The following PLCE1 variants were observed in gnomAD, a reference collection of about 807,000 sequenced individuals.
The protein encoded by PLCE1 is phospholipase C epsilon 1, also known as 1-phosphatidylinositol 4,5-bisphosphate phosphodiesterase epsilon-1.
In PLCE1, 119 loss-of-function variants were observed where a neutral mutation model predicts 242.8. The observed-to-expected ratio is 0.49, with a 90% confidence interval of 0.42 to 0.57. The LOEUF is 0.57. PLCE1 is among the 20% of genes least tolerant of loss of function. PLCE1 has a pLI of 0.00. For missense variants in PLCE1, 2,441 were observed against 2,788.8 expected (o/e 0.88, Z 2.81); for synonymous variants, 945 against 1,017.4 (o/e 0.93, Z 1.35).
intron 32 of PLCE1, among the ~76,000 whole-genome samples, chr10:94,327,504 G>A (rs1334278085): frequency 6.6e-6 from 1 of 152,206 alleles, no homozygotes; most frequent in East Asian, 1.9e-4. Context: ...GAACTTTGGA[G>A]GCAGCAGTCC....
At chr10:94,119,840 A>G (rs1222913242) in intron 2 of PLCE1, among the ~76,000 whole-genome samples, 1 of 152,244 alleles carries the variant, frequency 6.6e-6, no homozygotes, top group East Asian at 1.9e-4. Flanking sequence ...TTTGCACAAA[A>G]TAGACATTCA....
In PLCE1 at chr10:94,055,011, C is replaced by CAA. The variant is rs71306823; in HGVS notation, c.1206+22775_1206+22776dup. ...TGGGTGATAGAGCGAGACTCCATCT[C>CAA]AAAAAAAAAAAAAAAAAGAAAAATG... On this transcript the variant is annotated intron_variant, in intron 2 of 32. Coordinates refer to ENST00000371380, the MANE Select transcript of PLCE1 (RefSeq NM_016341.4). 1.1e-3 allele frequency among the ~76,000 whole-genome samples: 101 copies of CAA among 90,950 alleles called. 2 individuals carry two copies. Among genetic ancestry groups the CAA allele is most frequent in the South Asian group, 7.3e-3 (19 of 2,610 alleles). The allele number at this position is 90,950 out of a possible 152,430, so 59.7% of individuals were successfully genotyped here.
At position 94,298,345 on chromosome 10, in the gene PLCE1, C is replaced by T. The variant is rs1483896437; in HGVS notation, c.5168-34C>T. 31 of 1,598,808 alleles carry T rather than the reference C, an allele frequency of 1.9e-5. No individual in the cohort carries two copies. The highest frequency in any genetic ancestry group is 2.4e-5 in the Non-Finnish European group (28 of 1,166,282). On this transcript the variant is annotated intron_variant, in intron 23 of 32. Coordinates refer to ENST00000371380, the MANE Select transcript of PLCE1 (RefSeq NM_016341.4). The surrounding 1 kb of genome is among the most constrained non-coding windows in gnomAD (Gnocchi z 5.2). ...TTTCTAAAATATTTAAAGTTTTCTA[C>T]ACTAATCTGCGGCTAATTTCTTGGG...
chr10:94,144,332 T>C (rs996131339), intron 3 of PLCE1, among the ~76,000 whole-genome samples: 3 of 152,168 alleles, frequency 2.0e-5, no homozygotes, highest in South Asian at 2.1e-4. Flanking sequence ...TGTGTGTGCA[T>C]ACATGGAGTA....
intron 4 of PLCE1, among the ~76,000 whole-genome samples, chr10:94,204,350 C>A (rs1282458838): frequency 6.6e-6 from 1 of 152,150 alleles, no homozygotes; most frequent in African/African-American, 2.4e-5. Context: ...AAGCTACCTT[C>A]TAGAACTCTG....
At chr10:94,099,316 C>T (rs1200097381) in intron 2 of PLCE1, among the ~76,000 whole-genome samples, 2 of 152,194 alleles carry the variant, frequency 1.3e-5, no homozygotes, top group Non-Finnish European at 2.9e-5. Context: ...TGCCTGCAGT[C>T]AATGGGCACT....
At chr10:94,241,926 C>T (rs935361126) in intron 7 of PLCE1, among the ~76,000 whole-genome samples, 3 of 152,078 alleles carry the variant, frequency 2.0e-5, no homozygotes, top group African/African-American at 4.8e-5. Context: ...CCAAGACAGG[C>T]GCTGTGCTAA....
rs1431123110 is a variant in PLCE1, at chr10:94,171,516, T to A, written c.1809+20T>A. ...AATGAGGTAAGAAGCCACTTTTTGA[T>A]GTCTTGGTATTTGACTCACCCGTAA... On this transcript the variant is annotated intron_variant, in intron 4 of 32. Transcript: ENST00000371380. The A allele has an allele frequency of 1.9e-6, 3 of 1,595,324 alleles. No homozygotes were observed. Among genetic ancestry groups the A allele is most frequent in the Admixed American group, 1.7e-5 (1 of 59,964 alleles).
At chr10:94,176,898 C>T (rs2048143344) in intron 4 of PLCE1, among the ~76,000 whole-genome samples, 1 of 152,014 alleles carries the variant, frequency 6.6e-6, no homozygotes. Flanking sequence ...TCTGCTGAGC[C>T]CTCGAGTCTG....
At chr10:94,295,207 C>T (rs901972404) in intron 23 of PLCE1, among the ~76,000 whole-genome samples, 15 of 152,032 alleles carry the variant, frequency 9.9e-5, no homozygotes, top group Admixed American at 3.9e-4. Flanking sequence ...TGAGCCACCG[C>T]GCCCGGCCAT....
chr10:94,259,229 C>T, intron 13 of PLCE1, 79 bp downstream of exon 13: 1 of 1,389,078 alleles, frequency 7.2e-7, no homozygotes, highest in Non-Finnish European at 1.0e-6. Flanking sequence ...CACACAAACT[C>T]TGAGCCTGTC....
chr10:94,308,936 A>G (rs757910832), intron 27 of PLCE1, among the ~76,000 whole-genome samples: 1 of 152,224 alleles, frequency 6.6e-6, no homozygotes, highest in Non-Finnish European at 1.5e-5. Context: ...CAGATGAGAA[A>G]GGTAGAGCTA....
intron 2 of PLCE1, among the ~76,000 whole-genome samples, chr10:94,102,683 C>T (rs1037327683): frequency 1.3e-5 from 2 of 152,224 alleles, no homozygotes; most frequent in South Asian, 2.1e-4. Context: ...CAGCGCCTCT[C>T]CCATGGCTAT....
chr10:94,023,180 C>T (rs2061403374), intron 1 of PLCE1, among the ~76,000 whole-genome samples: 1 of 152,008 alleles, frequency 6.6e-6, no homozygotes, highest in Non-Finnish European at 1.5e-5. Flanking sequence ...ATGGAGTCAA[C>T]AGAGTTAGAA....
At chr10:94,169,594 G>C (rs752185733) in intron 3 of PLCE1, among the ~76,000 whole-genome samples, 2 of 152,162 alleles carry the variant, frequency 1.3e-5, no homozygotes, top group African/African-American at 4.8e-5. Context: ...AGAAACAGTC[G>C]AATGACTGTG....
chr10:94,179,531 GAC>G (rs2048240862), intron 4 of PLCE1, among the ~76,000 whole-genome samples: 1 of 1,500 alleles, frequency 6.7e-4, no homozygotes, highest in African/African-American at 2.8e-3. Flanking sequence ...TTTTTTTTTT[GAC>G]AGGGTCTCTG....
chr10:94,313,390 C>G lies in PLCE1; in HGVS notation c.6132+8C>G. On this transcript the variant is annotated splice_region_variant and intron_variant, in intron 28 of 32. Transcript: ENST00000371380. ...AAGCAGCTTCTGCAGCAAGTAAGTC[C>G]ACTGAGCCGTGGTTGGGAGAATCCA... is the stretch of plus-strand genomic sequence containing the variant. The G allele has an allele frequency of 6.2e-7, 1 of 1,614,118 alleles. No individual in the cohort carries two copies. Among genetic ancestry groups the G allele is most frequent in the South Asian group, 1.1e-5 (1 of 91,074 alleles).
At chr10:94,254,117 A>G in intron 9 of PLCE1, 73 bp from the exon 10 acceptor site, 1 of 1,090,944 alleles carries the variant, frequency 9.2e-7, no homozygotes. Context: ...CAGAAAATAG[A>G]GACCTACCTG....
chr10:94,235,992 G>A lies in PLCE1; in HGVS notation c.2292G>A (p.Glu764=). Residue 764 remains glutamate (E), a synonymous_variant, in exon 7 of 33, where the codon GAG becomes GAA. Coordinates refer to ENST00000371380, the MANE Select transcript of PLCE1 (RefSeq NM_016341.4). ...ATGGCTTAAAGAATTCGGAGAAGGAGTCCACTGTCAACAGCATCTTTCAGG... is the reference window on the plus strand; with the variant it reads ...ATGGCTTAAAGAATTCGGAGAAGGAATCCACTGTCAACAGCATCTTTCAGG... ...GQNGLKNSEK[E]STVNSIFQVI... is the part of the protein sequence containing the mutation. 6.2e-7 allele frequency: 1 copy of A among 1,614,008 alleles called. No individual in the cohort carries two copies.
Sources: gnomAD v4.1 joint callset for allele counts (sites outside exome capture counted in the v4.1 genomes callset) on GRCh38, gnomAD v4.1.1 for gene constraint, Gnocchi (gnomAD v3.1) non-coding constraint, MANE v1.5 for transcripts, NCBI Gene and HGNC (gene_info 2026-07-23, HGNC 2026-07-21) for gene names.